Variants in C16orf87 observed in about 807,000 individuals in gnomAD.
C16orf87 encodes the protein UPF0547 protein C16orf87.
Under a neutral mutation model 21.0 loss-of-function variants are expected in C16orf87, and 13 were observed. That is an observed-to-expected ratio of 0.62 (90% CI 0.40 to 0.98). C16orf87 has a LOEUF of 0.98. Ranked by LOEUF, C16orf87 falls within the 50% of genes least tolerant of loss-of-function variation. The pLI is 0.00. For missense variants in C16orf87, 113 were observed against 180.4 expected (o/e 0.63, Z 2.14); for synonymous variants, 49 against 60.2 (o/e 0.81, Z 0.86).
intron 2 of C16orf87, among the ~76,000 whole-genome samples, chr16:46,813,394 T>C (rs1191094393): frequency 6.6e-6 from 1 of 151,068 alleles, no homozygotes; most frequent in Non-Finnish European, 1.5e-5. Context: ...TTGCAAAATA[T>C]ACCCATAATC....
intron 2 of C16orf87, among the ~76,000 whole-genome samples, chr16:46,813,478 TAA>T (rs35686982): frequency 8.4e-4 from 115 of 137,442 alleles, no homozygotes; most frequent in Middle Eastern, 3.8e-3. Flanking sequence ...AATATTATCT[TAA>T]AAAAAAAAAA....
intron 1 of C16orf87, among the ~76,000 whole-genome samples, chr16:46,826,489 C>G (rs889036488): frequency 1.3e-5 from 2 of 152,122 alleles, no homozygotes; most frequent in Non-Finnish European, 1.5e-5. Context: ...AACACTTGAT[C>G]TAATTGAGCT....
At chr16:46,808,015 T>G (rs1176778427) in intron 3 of C16orf87, 1 of 455,834 alleles carries the variant, frequency 2.2e-6, no homozygotes. Flanking sequence ...CTATTTCAAC[T>G]GAAAAGAATG....
intron 3 of C16orf87, among the ~76,000 whole-genome samples, chr16:46,808,985 A>C (rs1968002680): frequency 6.7e-6 from 1 of 148,488 alleles, no homozygotes; most frequent in African/African-American, 2.5e-5. Flanking sequence ...AGTTTGAAGT[A>C]GTCTTAACAG....
intron 2 of C16orf87, among the ~76,000 whole-genome samples, chr16:46,814,627 G>A (rs773331599): frequency 1.3e-5 from 2 of 152,114 alleles, no homozygotes; most frequent in Non-Finnish European, 2.9e-5. Flanking sequence ...ACAGTGTAGG[G>A]TATTCATTAA....
At chr16:46,813,694 G>A (rs372281074) in intron 2 of C16orf87, among the ~76,000 whole-genome samples, 12 of 152,016 alleles carry the variant, frequency 7.9e-5, no homozygotes, top group East Asian at 1.9e-4. Context: ...TCCTTCCTCC[G>A]CTGAGTCTAT....
intron 2 of C16orf87, among the ~76,000 whole-genome samples, chr16:46,814,707 A>G (rs963532152): frequency 3.9e-5 from 6 of 152,204 alleles, no homozygotes; most frequent in African/African-American, 7.2e-5. Flanking sequence ...ATTACTAGCT[A>G]TAAGAAGAAA....
rs1345505691 is a variant in C16orf87, at chr16:46,800,661, T to C, written c.*2291A>G. The C allele has an allele frequency of 6.6e-6, 1 of 152,248 alleles. No individual in the cohort carries two copies. Among genetic ancestry groups the C allele is most frequent in the Non-Finnish European group, 1.5e-5 (1 of 68,042 alleles). 9.4% of individuals were successfully genotyped at this position (152,248 alleles called of 1,614,324 possible). On this transcript the variant is annotated 3_prime_UTR_variant, in exon 4 of 4. Coordinates refer to ENST00000285697, the MANE Select transcript of C16orf87 (RefSeq NM_001001436.4). ...TGGATTAAGTAAAGAACTATAATTA[T>C]ACTCTTAGGACATCTGCTGATGACA...
At chr16:46,804,497 G>C (rs1967866394) in intron 3 of C16orf87, among the ~76,000 whole-genome samples, 1 of 152,216 alleles carries the variant, frequency 6.6e-6, no homozygotes, top group African/African-American at 2.4e-5. Context: ...TTCATAGTTT[G>C]ATTGAGTATA....
At position 46,801,762 on chromosome 16, in the gene C16orf87, G is replaced by A. The variant is rs1967785578; in HGVS notation, c.*1190C>T. Reference sequence around the variant, plus strand: ...ATAATGTTACGGCTAAAATTGAAAGGGAGATTCTCTTAAAAGGGGGCTAAA... The same window carrying A: ...ATAATGTTACGGCTAAAATTGAAAGAGAGATTCTCTTAAAAGGGGGCTAAA... On this transcript the variant is annotated 3_prime_UTR_variant, in exon 4 of 4. Transcript: ENST00000285697. 1 of 152,140 alleles carries A rather than the reference G, an allele frequency of 6.6e-6. No individual in the cohort carries two copies. The highest frequency in any genetic ancestry group is 2.1e-4 in the South Asian group (1 of 4,830). 9.4% of individuals were successfully genotyped at this position (152,140 alleles called of 1,614,324 possible).
chr16:46,814,691 T>C (rs983930484), intron 2 of C16orf87, among the ~76,000 whole-genome samples: 3 of 151,990 alleles, frequency 2.0e-5, no homozygotes, highest in Admixed American at 2.0e-4. Flanking sequence ...CAACAGTCAA[T>C]TAAACATTAC....
Position 46,802,994 on chromosome 16 carries a change from T to C in C16orf87, c.423A>G (p.Ala141=). The change falls in exon 4 of 4, where the codon GCA becomes GCG. Residue 141 remains alanine, a synonymous_variant. Coordinates refer to ENST00000285697, the MANE Select transcript of C16orf87 (RefSeq NM_001001436.4). ...GATTGATAATTTTTCTATTTATTTC[T>C]GCCAAGGCGACTGAAAACACGAAAG... ...EKAFVFSVAL[A]EINRKIINQR... 6.2e-7 allele frequency: 1 copy of C among 1,603,146 alleles called. No homozygotes were observed. Among genetic ancestry groups the C allele is most frequent in the South Asian group, 1.1e-5 (1 of 90,642 alleles).
Position 46,796,818 on chromosome 16 carries a change from C to G in C16orf87, c.*6134G>C, listed in dbSNP as rs1475859778. The G allele has an allele frequency of 6.6e-6, 1 of 152,128 alleles. No individual in the cohort carries two copies. Among genetic ancestry groups the G allele is most frequent in the Non-Finnish European group, 1.5e-5 (1 of 68,014 alleles). The allele number at this position is 152,128 out of a possible 1,614,324, so 9.4% of individuals were successfully genotyped here. A position where few individuals can be genotyped will look rare whatever the true frequency, so the allele number is the denominator to read the frequency against. On this transcript the variant is annotated 3_prime_UTR_variant, in exon 4 of 4. Coordinates refer to ENST00000285697, the MANE Select transcript of C16orf87 (RefSeq NM_001001436.4). Reference sequence around the variant, plus strand: ...GAGGAGAAAGTAGAGCAGAAAATATCTGAATGGTTTAAAACTTTACATAAT... The same window carrying G: ...GAGGAGAAAGTAGAGCAGAAAATATGTGAATGGTTTAAAACTTTACATAAT...
intron 1 of C16orf87, among the ~76,000 whole-genome samples, chr16:46,826,112 T>C (rs1959610112): frequency 6.6e-6 from 1 of 152,114 alleles, no homozygotes. Flanking sequence ...GGACAAGATA[T>C]TTAAGATCTT....
At chr16:46,822,379 G>A (rs1959450225) in intron 2 of C16orf87, among the ~76,000 whole-genome samples, 1 of 152,204 alleles carries the variant, frequency 6.6e-6, no homozygotes, top group African/African-American at 2.4e-5. Flanking sequence ...GCACTGAGCT[G>A]ACACGCCACC....
chr16:46,805,470 A>G (rs1445457952), intron 3 of C16orf87, among the ~76,000 whole-genome samples: 1 of 152,194 alleles, frequency 6.6e-6, no homozygotes, highest in Non-Finnish European at 1.5e-5. Flanking sequence ...TTCCTTTTAA[A>G]TATCACCTTG....
intron 2 of C16orf87, among the ~76,000 whole-genome samples, 190 bp from the exon 3 acceptor site, chr16:46,809,975 A>G (rs1288134042): frequency 1.3e-5 from 2 of 152,236 alleles, no homozygotes; most frequent in Non-Finnish European, 2.9e-5. Context: ...AATAGAATTC[A>G]GATCACAATA....
chr16:46,826,106 A>G (rs534768722), intron 1 of C16orf87, among the ~76,000 whole-genome samples: 1 of 152,154 alleles, frequency 6.6e-6, no homozygotes, highest in South Asian at 2.1e-4. Flanking sequence ...GACTCCGGAC[A>G]AGATATTTAA....
At chr16:46,817,916 C>CAAAAAAA (rs1056745014) in intron 2 of C16orf87, among the ~76,000 whole-genome samples, 752 of 67,732 alleles carry the variant, frequency 0.011, no homozygotes, top group Non-Finnish European at 0.013. Flanking sequence ...CATCAAAAAG[C>CAAAAAAA]AAAAAAAAAA....
Sources: gnomAD v4.1 joint callset for allele counts (sites outside exome capture counted in the v4.1 genomes callset) on GRCh38, gnomAD v4.1.1 for gene constraint, MANE v1.5 for transcripts, NCBI Gene and HGNC (gene_info 2026-07-23, HGNC 2026-07-21) for gene names.